Variants in NALF1 observed in about 807,000 individuals in gnomAD.
The protein encoded by NALF1 is NALCN channel auxiliary factor 1.
Under a neutral mutation model 48.4 loss-of-function variants are expected in NALF1, and 3 were observed. The observed-to-expected ratio is 0.06, with a 90% CI of 0.03 to 0.16. NALF1 has a LOEUF of 0.16. NALF1 is among the 10% of genes least tolerant of loss of function. The pLI is 1.00. For missense variants in NALF1, 526 were observed against 571.5 expected, an observed-to-expected ratio of 0.92 and a Z score of 0.81; for synonymous variants, 262 against 245.7, an observed-to-expected ratio of 1.07 and a Z score of -0.62.
chr13:107,514,617 G>A (rs925828652), intron 1 of NALF1, among the ~76,000 whole-genome samples: 2 of 152,120 alleles, frequency 1.3e-5, no homozygotes, highest in Non-Finnish European at 2.9e-5. Context: ...TTGCACACCT[G>A]AATTGTTTGA....
At chr13:107,469,731 A>ATTTTTTTTTT (rs1566355590) in intron 1 of NALF1, among the ~76,000 whole-genome samples, 1 of 99,858 alleles carries the variant, frequency 1.0e-5, no homozygotes, top group Non-Finnish European at 2.0e-5. Context: ...TCAACTGTGT[A>ATTTTTTTTTT]TCTTTTTTTT....
rs74500035 is a variant in NALF1, at chr13:107,626,114, G to C, written c.915+239568C>G. On this transcript the variant is annotated intron_variant, in intron 1 of 2. Transcript: ENST00000375915. ...TGGTTAATAGATTTCATTAATAACT[G>C]ATGAGGTGACATCTATGTCAAAGAC... Among the ~76,000 whole-genome samples, 670 of 152,130 alleles carry C rather than the reference G, an allele frequency of 4.4e-3. 23 individuals carry two copies. In the East Asian group the frequency reaches 0.082, roughly 19 times the overall value.
At chr13:107,561,572 C>T (rs1029475916) in intron 1 of NALF1, among the ~76,000 whole-genome samples, 2 of 152,164 alleles carry the variant, frequency 1.3e-5, no homozygotes, top group African/African-American at 2.4e-5. Flanking sequence ...ATTTCCAATA[C>T]AGTCGCTACT....
intron 2 of NALF1, among the ~76,000 whole-genome samples, chr13:107,210,067 T>TAGAC (rs1566451902): frequency 1.8e-5 from 1 of 54,326 alleles, no homozygotes; most frequent in East Asian, 5.2e-4. Context: ...GTGGCTCTAA[T>TAGAC]AGACACACAC....
At chr13:107,708,963 A>T (rs771034852) in intron 1 of NALF1, among the ~76,000 whole-genome samples, 2 of 152,216 alleles carry the variant, frequency 1.3e-5, no homozygotes, top group Non-Finnish European at 2.9e-5. Flanking sequence ...TGTTTACCAG[A>T]AATGCATAAT....
chr13:107,281,915 AC>A (rs908189075), intron 1 of NALF1, among the ~76,000 whole-genome samples: 1 of 152,076 alleles, frequency 6.6e-6, no homozygotes, highest in African/African-American at 2.4e-5. Flanking sequence ...GGGGGAAACC[AC>A]CCCCATGATT....
At chr13:107,794,425 T>C (rs2138590123) in intron 1 of NALF1, among the ~76,000 whole-genome samples, 2 of 151,910 alleles carry the variant, frequency 1.3e-5, no homozygotes, top group Middle Eastern at 3.4e-3. Context: ...TATGAGAATG[T>C]TAATGATGAC....
chr13:107,862,323 C>A (rs1880592793), intron 1 of NALF1, among the ~76,000 whole-genome samples: 2 of 151,992 alleles, frequency 1.3e-5, no homozygotes, highest in Non-Finnish European at 2.9e-5. Flanking sequence ...AAAAATCAAG[C>A]ATGTTTATAA....
At chr13:107,244,612 C>T (rs527246258) in intron 1 of NALF1, among the ~76,000 whole-genome samples, 2 of 152,254 alleles carry the variant, frequency 1.3e-5, no homozygotes, top group East Asian at 3.9e-4. Context: ...CTCTCAATTA[C>T]CCCCTCCCTT....
chr13:107,450,591 G>A (rs561795836), intron 1 of NALF1, among the ~76,000 whole-genome samples: 47 of 152,314 alleles, frequency 3.1e-4, no homozygotes, highest in Middle Eastern at 3.4e-3. Context: ...TTAGGAGACA[G>A]AAGAGTTTTT....
intron 1 of NALF1, among the ~76,000 whole-genome samples, chr13:107,683,448 T>G (rs1349599578): frequency 6.6e-6 from 1 of 152,220 alleles, no homozygotes; most frequent in Non-Finnish European, 1.5e-5. Context: ...TTAGGGTCAC[T>G]TTATACTGCA....
chr13:107,296,176 T>C (rs748181973), intron 1 of NALF1, among the ~76,000 whole-genome samples: 6 of 152,228 alleles, frequency 3.9e-5, no homozygotes, highest in Non-Finnish European at 8.8e-5. Context: ...TTAATAGCAG[T>C]TCCCCAAACT....
At chr13:107,772,195 C>G (rs1877599780) in intron 1 of NALF1, among the ~76,000 whole-genome samples, 1 of 152,106 alleles carries the variant, frequency 6.6e-6, no homozygotes, top group African/African-American at 2.4e-5. Flanking sequence ...GGAACTCCTA[C>G]TCTGTCTACG....
At chr13:107,555,105 A>G (rs952454772) in intron 1 of NALF1, among the ~76,000 whole-genome samples, 67 of 152,226 alleles carry the variant, frequency 4.4e-4, no homozygotes, top group Non-Finnish European at 7.8e-4. Context: ...GCAGCAAACA[A>G]AATAATCCAA....
intron 1 of NALF1, among the ~76,000 whole-genome samples, chr13:107,710,324 C>T (rs1277102065): frequency 1.3e-5 from 2 of 152,116 alleles, no homozygotes; most frequent in East Asian, 3.9e-4. Context: ...CAGACTGGCT[C>T]ATTCTTGCTA....
intron 2 of NALF1, among the ~76,000 whole-genome samples, chr13:107,183,850 G>A (rs990149274): frequency 1.3e-5 from 2 of 152,158 alleles, no homozygotes; most frequent in African/African-American, 4.8e-5. Flanking sequence ...TCGAGGGGAG[G>A]AGGGCTGGGG....
intron 1 of NALF1, among the ~76,000 whole-genome samples, chr13:107,678,519 G>A (rs900210771): frequency 3.3e-5 from 5 of 152,304 alleles, no homozygotes; most frequent in African/African-American, 1.2e-4. Flanking sequence ...CTGTGACCTC[G>A]AGCAAGTCAC....
chr13:107,488,550 A>C (rs1331418917), intron 1 of NALF1, among the ~76,000 whole-genome samples: 1 of 152,196 alleles, frequency 6.6e-6, no homozygotes, highest in Non-Finnish European at 1.5e-5. Context: ...AGATGCAGAA[A>C]AGTCTTTCAA....
intron 1 of NALF1, among the ~76,000 whole-genome samples, chr13:107,325,721 A>G (rs1043102037): frequency 6.6e-6 from 1 of 150,982 alleles, no homozygotes; most frequent in African/African-American, 2.4e-5. Context: ...TGCACCTGTA[A>G]TCTCAGTTAC....
Sources: gnomAD v4.1 joint callset for allele counts (sites outside exome capture counted in the v4.1 genomes callset) on GRCh38, gnomAD v4.1.1 for gene constraint, MANE v1.5 for transcripts, NCBI Gene and HGNC (gene_info 2026-07-23, HGNC 2026-07-21) for gene names.